The following PLD5 variants were observed in gnomAD, a reference collection of about 807,000 sequenced individuals.
PLD5 encodes inactive phospholipase D5.
PLD5 carries 36 observed loss-of-function variants against 61.1 expected under a neutral mutation model. That is an observed-to-expected ratio of 0.59 (90% confidence interval 0.45 to 0.78). PLD5 has a LOEUF of 0.78. Ranked by LOEUF, PLD5 falls within the 30% of genes least tolerant of loss-of-function variation. The probability of loss-of-function intolerance (pLI) is 0.00; values close to 1 mark genes in which losing one functional copy is unlikely to be tolerated. For synonymous variants in PLD5, 243 were observed against 242.8 expected (o/e 1.00, Z -0.01); for missense variants, 515 against 644.4 (o/e 0.80, Z 2.17).
intron 1 of PLD5, among the ~76,000 whole-genome samples, chr1:242,462,188 A>G (rs1219937024): frequency 6.6e-6 from 1 of 152,200 alleles, no homozygotes; most frequent in Non-Finnish European, 1.5e-5. Flanking sequence ...ATGCGCTCAT[A>G]TGTTCCTCAC....
intron 3 of PLD5, among the ~76,000 whole-genome samples, chr1:242,275,573 A>G (rs1414921966): frequency 6.6e-6 from 1 of 152,190 alleles, no homozygotes; most frequent in Non-Finnish European, 1.5e-5. Flanking sequence ...CCTATGTGTC[A>G]GCGACCTGAA....
intron 1 of PLD5, among the ~76,000 whole-genome samples, chr1:242,405,720 G>A (rs1188544779): frequency 3.3e-5 from 5 of 151,672 alleles, no homozygotes; most frequent in African/African-American, 1.2e-4. Flanking sequence ...TCCTGCCTCA[G>A]CCTCCCAAGT....
intron 4 of PLD5, among the ~76,000 whole-genome samples, chr1:242,229,314 G>T (rs1574565488): frequency 6.6e-6 from 1 of 152,136 alleles, no homozygotes; most frequent in African/African-American, 2.4e-5. Flanking sequence ...CGTTTTAAAC[G>T]CATATTACCA....
intron 4 of PLD5, among the ~76,000 whole-genome samples, chr1:242,261,819 A>G (rs1442138956): frequency 6.6e-6 from 1 of 152,226 alleles, no homozygotes; most frequent in East Asian, 1.9e-4. Context: ...AAAATAAAAC[A>G]AGGTGCCAAA....
At position 242,256,792 on chromosome 1, in the gene PLD5, A is replaced by G. The variant is rs189013946; in HGVS notation, c.607+8545T>C. 6.7e-6 allele frequency among the ~76,000 whole-genome samples: 1 copy of G among 148,584 alleles called. No individual in the cohort carries two copies. The highest frequency in any genetic ancestry group is 2.5e-5 in the African/African-American group (1 of 39,776). ...TATCTATCTATCTATCTATCTATCT[A>G]TCTATTAATATCTATCTTTCTATGT... On this transcript the variant is annotated intron_variant, in intron 4 of 9. Coordinates refer to ENST00000536534, the MANE Select transcript of PLD5 (RefSeq NM_001372062.1). This position sits in a 1 kb window ranked among gnomAD's most constrained non-coding sequence, Gnocchi z 5.7.
chr1:242,176,764 A>C (rs1667176494), intron 5 of PLD5, among the ~76,000 whole-genome samples: 1 of 152,242 alleles, frequency 6.6e-6, no homozygotes, highest in South Asian at 2.1e-4. Flanking sequence ...AAGTGTCCAA[A>C]GGATATGAAC....
intron 5 of PLD5, among the ~76,000 whole-genome samples, chr1:242,176,119 C>A (rs1667123779): frequency 6.6e-6 from 1 of 152,162 alleles, no homozygotes; most frequent in Admixed American, 6.6e-5. Context: ...AAAGAGCCCG[C>A]ATAGCCAAGA....
intron 1 of PLD5, among the ~76,000 whole-genome samples, chr1:242,504,666 A>G (rs1668663796): frequency 6.6e-6 from 1 of 152,122 alleles, no homozygotes; most frequent in South Asian, 2.1e-4. Context: ...CATATATTTT[A>G]TTTGTCTCCA....
chr1:242,416,399 T>C (rs914914112), intron 1 of PLD5, among the ~76,000 whole-genome samples: 26 of 152,266 alleles, frequency 1.7e-4, no homozygotes, highest in African/African-American at 2.4e-5. Flanking sequence ...GTGTAGGAAG[T>C]ATAATTTCCT....
chr1:242,116,376 G>C (rs1354767132), intron 6 of PLD5, among the ~76,000 whole-genome samples: 1 of 152,192 alleles, frequency 6.6e-6, no homozygotes, highest in Non-Finnish European at 1.5e-5. Context: ...CCTCTTGGCA[G>C]GTGATCATGA....
At chr1:242,520,603 A>G (rs747359635) in intron 1 of PLD5, among the ~76,000 whole-genome samples, 4 of 152,234 alleles carry the variant, frequency 2.6e-5, no homozygotes, top group African/African-American at 9.6e-5. Context: ...CCATCTTCAT[A>G]AATAGCACCA....
chr1:242,109,302 A>G (rs1167309149), intron 7 of PLD5, among the ~76,000 whole-genome samples: 1 of 152,298 alleles, frequency 6.6e-6, no homozygotes, highest in Non-Finnish European at 1.5e-5. Flanking sequence ...ACATGGTGAA[A>G]CCCCGTCTCT....
intron 1 of PLD5, among the ~76,000 whole-genome samples, chr1:242,500,759 C>T (rs547791783): frequency 3.3e-5 from 5 of 151,806 alleles, no homozygotes; most frequent in South Asian, 2.1e-4. Context: ...GGATGTAGTC[C>T]GTAATAAGGT....
chr1:242,377,382 AC>A, intron 1 of PLD5: 4 of 1,485,976 alleles, frequency 2.7e-6, no homozygotes, highest in Non-Finnish European at 3.7e-6. Flanking sequence ...GAACTCCAAA[AC>A]TGGTTCTTCT....
intron 5 of PLD5, among the ~76,000 whole-genome samples, chr1:242,169,299 G>A (rs1666565481): frequency 6.6e-6 from 1 of 152,130 alleles, no homozygotes; most frequent in Non-Finnish European, 1.5e-5. Context: ...GTGAGCCAAA[G>A]TAGGGTGGGG....
At chr1:242,506,423 T>C (rs1192051232) in intron 1 of PLD5, among the ~76,000 whole-genome samples, 2 of 152,146 alleles carry the variant, frequency 1.3e-5, no homozygotes, top group Non-Finnish European at 2.9e-5. Context: ...CAGCTCAGGA[T>C]TGAGCCCAGG....
intron 5 of PLD5, among the ~76,000 whole-genome samples, chr1:242,162,978 T>C (rs1665962017): frequency 1.3e-5 from 2 of 152,128 alleles, no homozygotes; most frequent in African/African-American, 4.8e-5. Context: ...GCAGAAATCC[T>C]GCAGCTTTCA....
At chr1:242,141,663 A>G (rs1364149283) in intron 5 of PLD5, among the ~76,000 whole-genome samples, 1 of 152,184 alleles carries the variant, frequency 6.6e-6, no homozygotes, top group Non-Finnish European at 1.5e-5. Flanking sequence ...GCTCACATGA[A>G]GCAAGCAAGC....
At chr1:242,438,899 C>T (rs1040276056) in intron 1 of PLD5, among the ~76,000 whole-genome samples, 3 of 152,134 alleles carry the variant, frequency 2.0e-5, no homozygotes, top group Non-Finnish European at 4.4e-5. Context: ...AAAACCTATG[C>T]TTTATTCAAA....
Sources: gnomAD v4.1 joint callset for allele counts (sites outside exome capture counted in the v4.1 genomes callset) on GRCh38, gnomAD v4.1.1 for gene constraint, Gnocchi (gnomAD v3.1) non-coding constraint, MANE v1.5 for transcripts, NCBI Gene and HGNC (gene_info 2026-07-23, HGNC 2026-07-21) for gene names.